IL1RAPL1: variants seen among roughly 807,000 people sequenced by gnomAD.
IL1RAPL1 encodes interleukin-1 receptor accessory protein-like 1.
IL1RAPL1 carries 3 observed loss-of-function variants against 48.4 expected under a neutral mutation model. The observed-to-expected ratio is 0.06, with a 90% CI of 0.03 to 0.16. IL1RAPL1 has a LOEUF of 0.16. IL1RAPL1 is among the 10% of genes least tolerant of loss of function. The pLI, the probability that IL1RAPL1 is intolerant of heterozygous loss-of-function variation, is 1.00. For missense variants in IL1RAPL1, 349 were observed against 530.6 expected (o/e 0.66, Z 3.36); for synonymous variants, 185 against 187.7 (o/e 0.99, Z 0.12).
intron 6 of IL1RAPL1, among the ~76,000 whole-genome samples, chrX:29,714,295 C>T (rs1434671787): frequency 2.7e-5 from 3 of 112,010 alleles, no homozygotes; most frequent in African/African-American, 9.7e-5. Context: ...TTCTTCACCT[C>T]CTGTCTTCCT....
At chrX:28,782,481 C>G (rs1183251028) in intron 1 of IL1RAPL1, among the ~76,000 whole-genome samples, 1 of 111,692 alleles carries the variant, frequency 9.0e-6, no homozygotes, top group Non-Finnish European at 1.9e-5. Context: ...TTCTCTCTTT[C>G]TAATATTTAC....
intron 9 of IL1RAPL1, among the ~76,000 whole-genome samples, chrX:29,949,150 C>G (rs1350053040): frequency 8.9e-6 from 1 of 112,092 alleles, no homozygotes; most frequent in Non-Finnish European, 1.9e-5. Flanking sequence ...GTGCATTTAT[C>G]TATAACCTTT....
chrX:29,252,586 G>T (rs1408017044), intron 2 of IL1RAPL1, among the ~76,000 whole-genome samples: 1 of 113,005 alleles, frequency 8.8e-6, no homozygotes, highest in South Asian at 3.4e-4. Flanking sequence ...TGGTTCTTCA[G>T]TTTCTATTAA....
intron 1 of IL1RAPL1, among the ~76,000 whole-genome samples, chrX:28,669,629 T>C (rs966572142): frequency 1.0e-5 from 1 of 98,999 alleles, no homozygotes; most frequent in African/African-American, 3.8e-5. Flanking sequence ...CAAAAAATAT[T>C]ATATATATAT....
intron 2 of IL1RAPL1, among the ~76,000 whole-genome samples, chrX:29,150,258 A>T (rs1929435011): frequency 8.9e-6 from 1 of 112,135 alleles, no homozygotes; most frequent in Admixed American, 9.5e-5. Context: ...TCTAGAAAAT[A>T]ATTACTTAAA....
At chrX:28,789,480 T>C in intron 2 of IL1RAPL1, 55 bp downstream of exon 2, 1 of 848,477 alleles carries the variant, frequency 1.2e-6, no homozygotes, top group Non-Finnish European at 1.8e-6. Context: ...GTGATAGTGC[T>C]ACATCTACAC....
intron 3 of IL1RAPL1, among the ~76,000 whole-genome samples, chrX:29,394,125 A>G (rs757917869): frequency 1.2e-3 from 130 of 108,736 alleles, no homozygotes; most frequent in African/African-American, 3.9e-3. Context: ...TTGCTTCCTC[A>G]CTGTTACATT....
chrX:29,185,858 G>T (rs953561201), intron 2 of IL1RAPL1, among the ~76,000 whole-genome samples: 2 of 110,447 alleles, frequency 1.8e-5, no homozygotes, highest in African/African-American at 6.6e-5. Context: ...AAAAAAAAAG[G>T]CTCCATTTAA....
At chrX:29,783,339 G>T (rs1365273770) in intron 6 of IL1RAPL1, among the ~76,000 whole-genome samples, 1 of 111,724 alleles carries the variant, frequency 9.0e-6, no homozygotes, top group Non-Finnish European at 1.9e-5. Flanking sequence ...GTAGAGCAGA[G>T]TCCTGATTAG....
intron 2 of IL1RAPL1, among the ~76,000 whole-genome samples, chrX:28,886,442 C>T (rs1234707043): frequency 9.2e-6 from 1 of 108,373 alleles, no homozygotes; most frequent in Non-Finnish European, 1.9e-5. Context: ...TAGAGAACAA[C>T]CAAAGTTGCA....
chrX:29,439,851 G>GTTTTTTTTTTTTTTTTTTTTTTTTGT (rs760458968), intron 5 of IL1RAPL1, among the ~76,000 whole-genome samples: 1 of 59,865 alleles, frequency 1.7e-5, no homozygotes, highest in Non-Finnish European at 2.9e-5. Context: ...TGTTTGTTTG[G>GTTTTTTTTTTTTTTTTTTTTTTTTGT]TTTTTTTTTT....
At chrX:28,802,089 G>A (rs746820619) in intron 2 of IL1RAPL1, among the ~76,000 whole-genome samples, 1 of 111,843 alleles carries the variant, frequency 8.9e-6, no homozygotes, top group South Asian at 3.7e-4. Flanking sequence ...GTTTGAGTCA[G>A]CACTACAGAG....
chrX:29,040,298 C>T (rs1926818987), intron 2 of IL1RAPL1, among the ~76,000 whole-genome samples: 1 of 112,330 alleles, frequency 8.9e-6, no homozygotes, highest in Admixed American at 9.4e-5. Flanking sequence ...CAAGCAGCCT[C>T]TCCTGGGAGG....
At chrX:29,046,593 G>A (rs1316248022) in intron 2 of IL1RAPL1, among the ~76,000 whole-genome samples, 1 of 111,612 alleles carries the variant, frequency 9.0e-6, no homozygotes, top group Non-Finnish European at 1.9e-5. Context: ...ACAGAACCGA[G>A]ATTTGAATTC....
chrX:29,344,627 GT>G (rs968287631), intron 3 of IL1RAPL1, among the ~76,000 whole-genome samples: 2 of 110,693 alleles, frequency 1.8e-5, no homozygotes, highest in East Asian at 2.8e-4. Context: ...AGGTAACCAT[GT>G]TTTTTTTGTT....
chrX:29,597,957 A>G (rs1351180958), intron 5 of IL1RAPL1, among the ~76,000 whole-genome samples: 1 of 110,408 alleles, frequency 9.1e-6, no homozygotes, highest in Non-Finnish European at 1.9e-5. Flanking sequence ...TGTCAGCTTT[A>G]TTTATCTTTT....
At chrX:29,460,131 A>G (rs1934785680) in intron 5 of IL1RAPL1, among the ~76,000 whole-genome samples, 1 of 112,023 alleles carries the variant, frequency 8.9e-6, no homozygotes, top group Non-Finnish European at 1.9e-5. Context: ...AAAACTATTC[A>G]GTAAAACAGC....
intron 6 of IL1RAPL1, among the ~76,000 whole-genome samples, chrX:29,808,871 C>T (rs1207816142): frequency 9.0e-6 from 1 of 110,752 alleles, no homozygotes; most frequent in Admixed American, 9.7e-5. Context: ...TATGGTTAAA[C>T]CAGCTTTGTT....
At chrX:29,508,974 A>G (rs1257050499) in intron 5 of IL1RAPL1, among the ~76,000 whole-genome samples, 1 of 112,289 alleles carries the variant, frequency 8.9e-6, no homozygotes, top group Non-Finnish European at 1.9e-5. Context: ...TTACAATAAC[A>G]TTTACTAAGT....
Sources: gnomAD v4.1 joint callset for allele counts (sites outside exome capture counted in the v4.1 genomes callset) on GRCh38, gnomAD v4.1.1 for gene constraint, MANE v1.5 for transcripts, NCBI Gene and HGNC (gene_info 2026-07-23, HGNC 2026-07-21) for gene names.